NOD1: variants seen among roughly 807,000 people sequenced by gnomAD.
NOD1 encodes the protein nucleotide-binding oligomerization domain-containing protein 1.
Under a neutral mutation model 81.2 loss-of-function variants are expected in NOD1, and 70 were observed. The ratio of observed to expected loss-of-function variants is 0.86; its 90% CI spans 0.71 to 1.05. NOD1 has a LOEUF of 1.05. Among genes scored for constraint, NOD1 ranks in the 50% least tolerant of loss-of-function variants. The pLI is 0.00. For synonymous variants in NOD1, 508 were observed against 526.9 expected (o/e 0.96, Z 0.49); for missense variants, 1,233 against 1,228.0 (o/e 1.00, Z -0.06).
At chr7:30,471,386 AC>A (rs1230052346) in intron 1 of NOD1, among the ~76,000 whole-genome samples, 1 of 152,234 alleles carries the variant, frequency 6.6e-6, no homozygotes, top group African/African-American at 2.4e-5. Flanking sequence ...CACATCTGGC[AC>A]TGCAACCTCA....
chr7:30,478,517 A>G lies in NOD1; in HGVS notation c.-352+89T>C, dbSNP rs2075817. 0.39 allele frequency: 59,864 copies of G among 152,370 alleles called. 14,204 individuals are homozygous for G. Among genetic ancestry groups the G allele is most frequent in the African/African-American group, 0.67 (27,819 of 41,514 alleles). The allele number at this position is 152,370 out of a possible 1,614,324, so 9.4% of individuals were successfully genotyped here. Reference sequence around the variant, plus strand: ...CCGCGCTGCGTTCCGCCCGCACGCAAATCCCGCCTCCCTGCGCCTCCTCAC... The same window carrying G: ...CCGCGCTGCGTTCCGCCCGCACGCAGATCCCGCCTCCCTGCGCCTCCTCAC... On this transcript the variant is annotated intron_variant, in intron 1 of 13. Coordinates refer to ENST00000222823, the MANE Select transcript of NOD1 (RefSeq NM_006092.4). This position sits in a 1 kb window ranked among gnomAD's most constrained non-coding sequence, Gnocchi z 4.1.
intron 13 of NOD1, 87 bp from the exon 14 acceptor site, chr7:30,425,797 A>G (rs964326989): frequency 6.8e-6 from 6 of 884,448 alleles, no homozygotes; most frequent in Admixed American, 5.1e-5. Context: ...CATAGCACAC[A>G]CTCGTGTATC....
chr7:30,438,008 C>A lies in NOD1; in HGVS notation c.2454-352G>T, dbSNP rs981537961. ...GCACCTGCATGTCTCCTGTGGAGCA[C>A]AGAGGTGCGCAGAGTCCTGGAGGGA... On this transcript the variant is annotated intron_variant, in intron 9 of 13. Transcript: ENST00000222823. 3.3e-5 allele frequency among the ~76,000 whole-genome samples: 5 copies of A among 152,340 alleles called. No individual in the cohort carries two copies. In the South Asian group the frequency reaches 6.2e-4, roughly 19 times the overall value.
intron 13 of NOD1, among the ~76,000 whole-genome samples, 163 bp downstream of exon 13, chr7:30,429,210 TG>T (rs758311590): frequency 6.6e-6 from 1 of 152,238 alleles, no homozygotes; most frequent in Admixed American, 6.5e-5. Flanking sequence ...CTTATTTCAC[TG>T]GTCTGGGCCT....
rs1367088976 is a variant in NOD1 at position 30,437,638 on chromosome 7, A to C, written c.2472T>G (p.Val824=). The C allele has an allele frequency of 8.6e-6, 13 of 1,513,398 alleles. No individual in the cohort carries two copies. The highest frequency in any genetic ancestry group is 1.1e-5 in the Non-Finnish European group (13 of 1,142,754). The allele number at this position is 1,513,398 out of a possible 1,614,324, so 93.7% of individuals were successfully genotyped here. The change falls in exon 10 of 14, where the codon GTT becomes GTG. Residue 824 remains valine, a synonymous_variant. Transcript: ENST00000222823. ...CGAAGGCTTTTGCTCCTTCATCCCC[A>C]ACTTGATTGCCCCACATCCTGAGGG... The part of the protein sequence containing the change: ...ISEVGMWGNQ[V]GDEGAKAFAE...
Position 30,452,749 on chromosome 7 carries a change from C to T in NOD1, c.668G>A (p.Arg223Gln), listed in dbSNP as rs139576372. The T allele has an allele frequency of 9.9e-6, 16 of 1,614,052 alleles. No individual in the cohort carries two copies. The highest frequency in any genetic ancestry group is 6.7e-5 in the African/African-American group (5 of 75,066). ...QRLQSLWATGRLDAGVKFFFH... is the reference protein window; with the variant it reads ...QRLQSLWATGQLDAGVKFFFH... ...GAAGAATTTGACCCCTGCGTCTAGC[C>T]GGCCCGTGGCCCAGAGGCTCTGCAG... Residue 223 changes from arginine (R) to glutamine (Q), a missense_variant, in exon 6 of 14, where the codon CGG (arginine) becomes CAG (glutamine). Coordinates refer to ENST00000222823, the MANE Select transcript of NOD1 (RefSeq NM_006092.4).
intron 1 of NOD1, among the ~76,000 whole-genome samples, chr7:30,465,764 A>T (rs1787630727): frequency 6.6e-6 from 1 of 152,228 alleles, no homozygotes; most frequent in African/African-American, 2.4e-5. Context: ...CCCTGTTATA[A>T]AACATTCTTT....
intron 1 of NOD1, among the ~76,000 whole-genome samples, chr7:30,468,563 C>A (rs1448547229): frequency 6.6e-6 from 1 of 152,220 alleles, no homozygotes; most frequent in East Asian, 1.9e-4. Context: ...CTGCCCACCA[C>A]CATCCTGGAC....
rs765571059 is a variant in NOD1, at chr7:30,451,332, G to C, written c.2085C>G (p.Leu695=). The C allele has an allele frequency of 1.2e-5, 20 of 1,614,108 alleles. No homozygotes were observed. Among genetic ancestry groups the C allele is most frequent in the Middle Eastern group, 1.6e-4 (1 of 6,084 alleles). The part of the protein sequence containing the change: ...CNACSADCSA[L]SFVLHHFPKR... ...TGGGGAAGTGATGCAGGACGAAGGA[G>C]AGGGCGCTGCAGTCGGCCGAGCAGG... The change falls in exon 6 of 14, where the codon CTC becomes CTG. Residue 695 remains leucine, a synonymous_variant. Transcript: ENST00000222823. The surrounding 1 kb of genome is among the most constrained non-coding windows in gnomAD (Gnocchi z 4.2).
chr7:30,433,398 T>G (rs1329221105), intron 11 of NOD1: 1 of 549,106 alleles, frequency 1.8e-6, no homozygotes, highest in Non-Finnish European at 3.2e-6. Flanking sequence ...GGGCTCCTAT[T>G]TCTTAGCCCA....
At chr7:30,473,164 C>T (rs763722456) in intron 1 of NOD1, among the ~76,000 whole-genome samples, 2 of 152,202 alleles carry the variant, frequency 1.3e-5, no homozygotes, top group Non-Finnish European at 2.9e-5. Flanking sequence ...GAAGCCACAC[C>T]TCACTCAACT....
intron 6 of NOD1, among the ~76,000 whole-genome samples, chr7:30,449,931 G>A (rs920823456): frequency 6.6e-6 from 1 of 152,238 alleles, no homozygotes; most frequent in Admixed American, 6.5e-5. Context: ...GGCGGCTCAT[G>A]CCTGTAACCC....
chr7:30,454,294 G>A (rs753949161), intron 5 of NOD1, among the ~76,000 whole-genome samples: 8 of 152,228 alleles, frequency 5.3e-5, no homozygotes, highest in Non-Finnish European at 8.8e-5. Flanking sequence ...AGCAGGGAAA[G>A]AAGACTCCTG....
At chr7:30,438,312 C>G (rs907528197) in intron 9 of NOD1, among the ~76,000 whole-genome samples, 8 of 152,216 alleles carry the variant, frequency 5.3e-5, no homozygotes, top group African/African-American at 1.9e-4. Context: ...ATGGTGGACT[C>G]CTGACCCGGC....
intron 12 of NOD1, among the ~76,000 whole-genome samples, chr7:30,432,222 C>A (rs1784010748): frequency 6.6e-6 from 1 of 152,082 alleles, no homozygotes. Context: ...AGGTCTAGCA[C>A]CCAGAATATA....
intron 1 of NOD1, among the ~76,000 whole-genome samples, chr7:30,470,630 G>T (rs1788180920): frequency 6.6e-6 from 1 of 152,170 alleles, no homozygotes; most frequent in African/African-American, 2.4e-5. Context: ...GTCTTTAAAA[G>T]GTTAACCAGA....
chr7:30,450,592 T>G (rs550615401), intron 6 of NOD1, among the ~76,000 whole-genome samples: 1 of 152,312 alleles, frequency 6.6e-6, no homozygotes, highest in South Asian at 2.1e-4. Flanking sequence ...TCTAGCAGTG[T>G]GAAGGGCTGC....
intron 4 of NOD1, 92 bp downstream of exon 4, chr7:30,456,629 C>G: frequency 8.6e-7 from 1 of 1,164,456 alleles, no homozygotes; most frequent in Non-Finnish European, 1.3e-6. Flanking sequence ...CTGGACTAAA[C>G]TCCCACGCTC....
At chr7:30,453,171 G>A (rs569647097) in intron 5 of NOD1, 131 bp from the exon 6 acceptor site, 17 of 925,338 alleles carry the variant, frequency 1.8e-5, no homozygotes, top group South Asian at 7.0e-5. Context: ...TGAGGCCAGC[G>A]CAGCCACTCC....
Sources: allele counts gnomAD v4.1 joint callset (sites outside exome capture counted in the v4.1 genomes callset), GRCh38; gene constraint gnomAD v4.1.1; non-coding constraint Gnocchi (gnomAD v3.1); transcripts MANE v1.5; gene names NCBI Gene and HGNC (gene_info 2026-07-23, HGNC 2026-07-21).